WDPCP: variants seen among roughly 807,000 people sequenced by gnomAD.
WDPCP encodes WD repeat containing planar cell polarity effector.
A neutral mutation model predicts 93.1 loss-of-function variants in WDPCP; 71 were observed. That is an observed-to-expected ratio of 0.76 (90% CI 0.63 to 0.93). The LOEUF is 0.93. Among genes scored for constraint, WDPCP ranks in the 40% least tolerant of loss-of-function variants. The pLI, the probability that WDPCP is intolerant of heterozygous loss-of-function variation, is 0.00. For missense variants in WDPCP, 844 were observed against 887.4 expected, an observed-to-expected ratio of 0.95 and a Z score of 0.62; for synonymous variants, 315 against 315.0, an observed-to-expected ratio of 1.00 and a Z score of 0.00.
chr2:63,302,381 A>G (rs1685397983), intron 13 of WDPCP, among the ~76,000 whole-genome samples: 1 of 152,240 alleles, frequency 6.6e-6, no homozygotes, highest in Non-Finnish European at 1.5e-5. Flanking sequence ...CCAGTAGGAT[A>G]GGAAATACCT....
At chr2:63,561,612 A>G (rs1706634060) in intron 1 of WDPCP, among the ~76,000 whole-genome samples, 1 of 152,184 alleles carries the variant, frequency 6.6e-6, no homozygotes, top group African/African-American at 2.4e-5. Flanking sequence ...GAATGGGAAA[A>G]GTTTGCAATC....
At chr2:63,354,762 C>G (rs1328293421) in intron 12 of WDPCP, among the ~76,000 whole-genome samples, 1 of 151,840 alleles carries the variant, frequency 6.6e-6, no homozygotes, top group East Asian at 1.9e-4. Context: ...CCTAACAGGT[C>G]TGACAGAGCT....
At chr2:63,642,180 A>G (rs1340913685) in intron 3 of WDPCP, among the ~76,000 whole-genome samples, 1 of 151,982 alleles carries the variant, frequency 6.6e-6, no homozygotes, top group African/African-American at 2.4e-5. Flanking sequence ...TTTGTTTACT[A>G]TAGCGCTGTA....
At chr2:63,825,313 G>C (rs977805870) in intron 1 of WDPCP, among the ~76,000 whole-genome samples, 1 of 152,106 alleles carries the variant, frequency 6.6e-6, no homozygotes, top group Non-Finnish European at 1.5e-5. Context: ...TTCTGACTTA[G>C]CACAGTTCTC....
intron 2 of WDPCP, among the ~76,000 whole-genome samples, chr2:63,667,635 T>C (rs909275653): frequency 1.3e-5 from 2 of 152,212 alleles, no homozygotes; most frequent in African/African-American, 4.8e-5. Context: ...CTTCTAGAGC[T>C]ACATTAAACT....
At chr2:63,550,791 G>GTATA (rs59665154) in intron 1 of WDPCP, among the ~76,000 whole-genome samples, 1 of 149,376 alleles carries the variant, frequency 6.7e-6, no homozygotes, top group Non-Finnish European at 1.5e-5. Context: ...ACATATATAT[G>GTATA]TATATATATA....
chr2:63,682,404 G>A (rs530052495), intron 2 of WDPCP, among the ~76,000 whole-genome samples: 15 of 152,236 alleles, frequency 9.9e-5, no homozygotes, highest in South Asian at 2.1e-4. Flanking sequence ...ACTGAAGAAC[G>A]CATCAGAATC....
At chr2:63,505,921 A>G (rs1240009941) in intron 1 of WDPCP, among the ~76,000 whole-genome samples, 2 of 152,204 alleles carry the variant, frequency 1.3e-5, no homozygotes, top group East Asian at 3.9e-4. Context: ...GAGAAAAATA[A>G]TGAATACAAT....
intron 1 of WDPCP, among the ~76,000 whole-genome samples, chr2:63,814,475 G>A (rs1024157801): frequency 2.6e-5 from 4 of 152,120 alleles, no homozygotes; most frequent in African/African-American, 9.7e-5. Context: ...AAATCACAGA[G>A]ATACCAATCC....
chr2:63,634,260 ACTTATAT>A (rs1171762504), intron 3 of WDPCP, among the ~76,000 whole-genome samples: 5 of 152,242 alleles, frequency 3.3e-5, no homozygotes, highest in Admixed American at 6.5e-5. Context: ...GGATAGCTAT[ACTTATAT>A]CAAACAAAAT....
At chr2:63,554,744 A>T (rs1258410101) in intron 1 of WDPCP, among the ~76,000 whole-genome samples, 1 of 152,232 alleles carries the variant, frequency 6.6e-6, no homozygotes, top group East Asian at 1.9e-4. Context: ...ACTACTGAGA[A>T]GAACAAAAAT....
At chr2:63,788,839 CCTT>C (rs1442889739) in intron 2 of WDPCP, among the ~76,000 whole-genome samples, 1 of 152,158 alleles carries the variant, frequency 6.6e-6, no homozygotes, top group Non-Finnish European at 1.5e-5. Context: ...ACTGATATCA[CCTT>C]CTGCTCCTGG....
Position 63,702,945 on chromosome 2 carries a change from C to G in WDPCP, n.309-52107G>C, listed in dbSNP as rs1240964896. On this transcript the variant is annotated intron_variant and non_coding_transcript_variant, in intron 2 of 4. Transcript: ENST00000467687. ...GTCCATGTGTTCTCATTGTTCAATT[C>G]CCACCTATGAGTGAGAACATGTGGT... Among the ~76,000 whole-genome samples the G allele has an allele frequency of 7.4e-4, 112 of 150,922 alleles. 1 individual carries two copies. Among genetic ancestry groups the G allele is most frequent in the Middle Eastern group, 6.8e-3 (2 of 292 alleles).
At chr2:63,511,629 C>G (rs573682941) in intron 1 of WDPCP, among the ~76,000 whole-genome samples, 45 of 152,130 alleles carry the variant, frequency 3.0e-4, no homozygotes, top group African/African-American at 1.0e-3. Flanking sequence ...ACAAACCTGA[C>G]AAAAACAAGC....
intron 3 of WDPCP, among the ~76,000 whole-genome samples, chr2:63,647,114 G>A (rs1193767660): frequency 6.6e-6 from 1 of 150,734 alleles, no homozygotes; most frequent in African/African-American, 2.4e-5. Flanking sequence ...TTTTCCTTTT[G>A]TCTCCTCTGA....
chr2:63,374,052 A>AT lies in WDPCP; in HGVS notation c.1748+4333dup, dbSNP rs55949475. Among the ~76,000 whole-genome samples, 406 of 135,926 alleles carry AT rather than the reference A, an allele frequency of 3.0e-3. 2 individuals carry two copies. Among genetic ancestry groups the AT allele is most frequent in the African/African-American group, 5.9e-3 (216 of 36,572 alleles). 89.2% of individuals were successfully genotyped at this position (135,926 alleles called of 152,430 possible). A position where few individuals can be genotyped will look rare whatever the true frequency, so the allele number is the denominator to read the frequency against. ...TTGTTTAGGTTTCCACAAGTTTATG[A>AT]TTTTTTTTTTTTTTTTGTCTACCAT... On this transcript the variant is annotated intron_variant, in intron 12 of 17. Transcript: ENST00000272321.
At chr2:63,366,490 A>G (rs972946395) in intron 12 of WDPCP, among the ~76,000 whole-genome samples, 3 of 150,354 alleles carry the variant, frequency 2.0e-5, no homozygotes, top group African/African-American at 7.4e-5. Flanking sequence ...CAACACTGTC[A>G]TCAATAATAG....
chr2:63,128,702 C>G (rs1176612981), intron 17 of WDPCP, among the ~76,000 whole-genome samples: 1 of 152,096 alleles, frequency 6.6e-6, no homozygotes, highest in South Asian at 2.1e-4. Flanking sequence ...GAATTTTGCT[C>G]TTGTTGCCCA....
chr2:63,746,312 A>G (rs1478371218), intron 2 of WDPCP, among the ~76,000 whole-genome samples: 2 of 152,100 alleles, frequency 1.3e-5, no homozygotes, highest in Non-Finnish European at 2.9e-5. Flanking sequence ...TCGTAAGCTG[A>G]GGATGTATGT....
Sources: gnomAD v4.1 joint callset for allele counts (sites outside exome capture counted in the v4.1 genomes callset) on GRCh38, gnomAD v4.1.1 for gene constraint, MANE v1.5 for transcripts, NCBI Gene and HGNC (gene_info 2026-07-23, HGNC 2026-07-21) for gene names.